The following HNRNPLL variants were observed in gnomAD, a reference collection of about 807,000 sequenced individuals.
The protein encoded by HNRNPLL is heterogeneous nuclear ribonucleoprotein L-like.
Under a neutral mutation model 67.1 loss-of-function variants are expected in HNRNPLL, and 25 were observed. The ratio of observed to expected loss-of-function variants is 0.37; its 90% CI spans 0.27 to 0.52. HNRNPLL has a LOEUF of 0.52. Among genes scored for constraint, HNRNPLL ranks in the 20% least tolerant of loss-of-function variants. The pLI is 0.90. For synonymous variants in HNRNPLL, 267 were observed against 241.7 expected (o/e 1.10, Z -0.97); for missense variants, 542 against 673.9 (o/e 0.80, Z 2.17).
At chr2:38,581,657 G>T (rs1215386085) in intron 6 of HNRNPLL, 1 of 522,184 alleles carries the variant, frequency 1.9e-6, no homozygotes, top group Non-Finnish European at 3.3e-6. Flanking sequence ...TTGGAGAAAT[G>T]CAAGTCCTTG....
At chr2:38,582,544 T>G (rs1206594064) in intron 4 of HNRNPLL, among the ~76,000 whole-genome samples, 1 of 152,180 alleles carries the variant, frequency 6.6e-6, no homozygotes, top group Non-Finnish European at 1.5e-5. Flanking sequence ...TCTCTTGACT[T>G]CGTGATCCGC....
chr2:38,594,919 G>A (rs1182917499), intron 1 of HNRNPLL, among the ~76,000 whole-genome samples: 1 of 151,718 alleles, frequency 6.6e-6, no homozygotes, highest in Non-Finnish European at 1.5e-5. Flanking sequence ...ACTCCAGCCT[G>A]GGCAACAGAG....
At chr2:38,584,250 CAG>C (rs1209905306) in intron 3 of HNRNPLL, among the ~76,000 whole-genome samples, 1 of 152,092 alleles carries the variant, frequency 6.6e-6, no homozygotes, top group Non-Finnish European at 1.5e-5. Context: ...TTTGTAGAGA[CAG>C]AGTCTCACTA....
chr2:38,573,673 T>C (rs1468333809), intron 7 of HNRNPLL, among the ~76,000 whole-genome samples: 2 of 151,928 alleles, frequency 1.3e-5, no homozygotes, highest in African/African-American at 4.8e-5. Context: ...GCTATAAGCT[T>C]ACATTTTTAA....
chr2:38,576,008 C>G (rs1666287830), intron 7 of HNRNPLL, among the ~76,000 whole-genome samples: 1 of 151,800 alleles, frequency 6.6e-6, no homozygotes, highest in Admixed American at 6.6e-5. Context: ...CATAATCCCA[C>G]CACAACTATC....
intron 1 of HNRNPLL, among the ~76,000 whole-genome samples, chr2:38,598,859 T>C (rs1011835147): frequency 1.3e-5 from 2 of 152,218 alleles, no homozygotes; most frequent in African/African-American, 2.4e-5. Context: ...ATCCTCACTC[T>C]ACTAGAACAG....
Position 38,577,539 on chromosome 2 carries a change from C to T in HNRNPLL, c.803-7G>A. 1.9e-6 allele frequency: 3 copies of T among 1,592,934 alleles called. No individual in the cohort carries two copies. The highest frequency in any genetic ancestry group is 2.6e-6 in the Non-Finnish European group (3 of 1,161,162). On this transcript the variant is annotated splice_region_variant and splice_polypyrimidine_tract_variant and intron_variant, in intron 6 of 12. Transcript: ENST00000449105. ...TGGCGACCCTTTCCTCTATCTGACA[C>T]AAAAGTAGAAACATGGTTTTAACAA...
At chr2:38,594,174 C>CA (rs1036994390) in intron 1 of HNRNPLL, among the ~76,000 whole-genome samples, 24 of 150,040 alleles carry the variant, frequency 1.6e-4, no homozygotes, top group African/African-American at 3.7e-4. Flanking sequence ...GACTCCATCT[C>CA]AAAAAAAAAC....
At chr2:38,599,685 T>A (rs918774054) in intron 1 of HNRNPLL, among the ~76,000 whole-genome samples, 1 of 152,260 alleles carries the variant, frequency 6.6e-6, no homozygotes, top group Non-Finnish European at 1.5e-5. Flanking sequence ...TAATGATCAC[T>A]CACAATTATC....
chr2:38,570,864 G>C lies in HNRNPLL; in HGVS notation c.1093-939C>G, dbSNP rs149129404. On this transcript the variant is annotated intron_variant, in intron 8 of 12. Coordinates refer to ENST00000449105, the MANE Select transcript of HNRNPLL (RefSeq NM_138394.4). ...TGAGACCAGGCTGGGCAACATAGCT[G>C]AGACCCCATCTCTACAAAAAAAAAA... Among the ~76,000 whole-genome samples the C allele has an allele frequency of 4.5e-4, 68 of 151,450 alleles. 4 individuals carry two copies. In the East Asian group the frequency reaches 0.013, roughly 29 times the overall value.
At position 38,602,696 on chromosome 2, in the gene HNRNPLL, C is replaced by G. The variant is rs1667502490; in HGVS notation, c.-70G>C. On this transcript the variant is annotated 5_prime_UTR_variant, in exon 1 of 13. Transcript: ENST00000449105. The stretch of plus-strand genomic sequence containing the variant: ...GTGGGGCGCGCGCCTCGGATGCCGC[C>G]GGCCAGTCCTCGCCGCCGGCAGCGC... 1.4e-6 allele frequency: 2 copies of G among 1,424,780 alleles called. No individual in the cohort carries two copies. Among genetic ancestry groups the G allele is most frequent in the African/African-American group, 1.5e-5 (1 of 66,090 alleles). The allele number at this position is 1,424,780 out of a possible 1,614,324, so 88.3% of individuals were successfully genotyped here. A position where few individuals can be genotyped will look rare whatever the true frequency, so the allele number is the denominator to read the frequency against.
chr2:38,600,093 C>T (rs1667363540), intron 1 of HNRNPLL: 1 of 216,466 alleles, frequency 4.6e-6, no homozygotes, highest in African/African-American at 2.4e-5. Flanking sequence ...TCCATAGTTG[C>T]CATGATTTCA....
At chr2:38,593,444 A>G (rs1350248204) in intron 1 of HNRNPLL, among the ~76,000 whole-genome samples, 1 of 152,250 alleles carries the variant, frequency 6.6e-6, no homozygotes, top group Non-Finnish European at 1.5e-5. Context: ...GCAAGATACA[A>G]TTAAGAGAAT....
intron 1 of HNRNPLL, among the ~76,000 whole-genome samples, chr2:38,594,646 A>T (rs546361156): frequency 6.6e-6 from 1 of 152,178 alleles, no homozygotes; most frequent in South Asian, 2.1e-4. Flanking sequence ...AGGTATAAAG[A>T]ACTTTATTAA....
intron 2 of HNRNPLL, among the ~76,000 whole-genome samples, chr2:38,587,318 T>C (rs868535375): frequency 9.9e-5 from 15 of 152,226 alleles, no homozygotes; most frequent in African/African-American, 3.6e-4. Flanking sequence ...GCGGATTGCC[T>C]TGCACATTGT....
At chr2:38,576,764 A>G (rs993427812) in intron 7 of HNRNPLL, among the ~76,000 whole-genome samples, 1 of 151,886 alleles carries the variant, frequency 6.6e-6, no homozygotes, top group African/African-American at 2.4e-5. Context: ...TTGTGCTTCA[A>G]CTTTAAAGCA....
At chr2:38,595,678 T>C (rs951702310) in intron 1 of HNRNPLL, among the ~76,000 whole-genome samples, 1 of 151,876 alleles carries the variant, frequency 6.6e-6, no homozygotes, top group Non-Finnish European at 1.5e-5. Flanking sequence ...ACCACATCTC[T>C]ACTAAAAATA....
At chr2:38,578,297 C>A (rs988381966) in intron 6 of HNRNPLL, among the ~76,000 whole-genome samples, 1 of 151,974 alleles carries the variant, frequency 6.6e-6, no homozygotes, top group Non-Finnish European at 1.5e-5. Context: ...TGCCAATTTT[C>A]CCAAATCTAA....
rs1488243260 is a variant in HNRNPLL, at chr2:38,602,537, C to T, written c.90G>A (p.Gly30=). The T allele has an allele frequency of 1.3e-6, 2 of 1,559,596 alleles. No homozygotes were observed. The highest frequency in any genetic ancestry group is 3.9e-5 in the Admixed American group (2 of 51,816). The change falls in exon 1 of 13, where the codon GGG becomes GGA. Residue 30 remains glycine, a synonymous_variant. Coordinates refer to ENST00000449105, the MANE Select transcript of HNRNPLL (RefSeq NM_138394.4). ...SQAKRLKTEE[G]EIDYSAEEGE... The stretch of plus-strand genomic sequence containing the variant: ...CTTCCTCGGCCGAGTAGTCGATCTC[C>T]CCCTCCTCGGTCTTGAGACGCTTGG...
Sources: gnomAD v4.1 joint callset for allele counts (sites outside exome capture counted in the v4.1 genomes callset) on GRCh38, gnomAD v4.1.1 for gene constraint, MANE v1.5 for transcripts, NCBI Gene and HGNC (gene_info 2026-07-23, HGNC 2026-07-21) for gene names.